The following SH2D4A variants were observed in gnomAD, a reference collection of about 807,000 sequenced individuals.
SH2D4A encodes the protein SH2 domain-containing protein 4A.
A neutral mutation model predicts 64.7 loss-of-function variants in SH2D4A; 70 were observed. The observed-to-expected ratio is 1.08, with a 90% CI of 0.89 to 1.32. The LOEUF (loss-of-function observed/expected upper bound fraction) is 1.32, where lower values mean the gene tolerates loss of function less well. SH2D4A is among the 40% of genes most tolerant of loss of function. SH2D4A has a pLI of 0.00. For missense variants in SH2D4A, 706 were observed against 540.1 expected (o/e 1.31, Z -3.04); for synonymous variants, 268 against 200.7 (o/e 1.34, Z -2.83).
chr8:19,367,370 A>G (rs2053014540), intron 7 of SH2D4A, among the ~76,000 whole-genome samples: 1 of 152,178 alleles, frequency 6.6e-6, no homozygotes, highest in Admixed American at 6.5e-5. Flanking sequence ...CTAGCAGGCT[A>G]TGAGAGTTCT....
chr8:19,323,632 C>T (rs893665720), intron 2 of SH2D4A, among the ~76,000 whole-genome samples: 2 of 152,150 alleles, frequency 1.3e-5, no homozygotes, highest in East Asian at 1.9e-4. Flanking sequence ...CCACCTGCCT[C>T]GGCCTTCCGA....
intron 4 of SH2D4A, among the ~76,000 whole-genome samples, chr8:19,335,760 T>G (rs191147818): frequency 6.6e-6 from 1 of 152,338 alleles, no homozygotes; most frequent in East Asian, 1.9e-4. Context: ...CTCCCCAACA[T>G]AATAGAAATT....
chr8:19,352,097 T>C (rs942794288), intron 4 of SH2D4A, among the ~76,000 whole-genome samples: 1 of 152,196 alleles, frequency 6.6e-6, no homozygotes, highest in Non-Finnish European at 1.5e-5. Flanking sequence ...ACCCTACTTA[T>C]AAACAAAGGG....
rs1478875678 is a variant in SH2D4A, at chr8:19,396,109, A to T, written c.*1467A>T. The stretch of plus-strand genomic sequence containing the variant: ...ACAGGGACTGAGGTGGCTCTGAGCC[A>T]CTGGAGATCATTTTTCTTGGAGGAT... On this transcript the variant is annotated 3_prime_UTR_variant, in exon 10 of 10. Coordinates refer to ENST00000265807, the MANE Select transcript of SH2D4A (RefSeq NM_022071.4). 1 of 152,200 alleles carries T rather than the reference A, an allele frequency of 6.6e-6. No homozygotes were observed. The highest frequency in any genetic ancestry group is 1.9e-4 in the East Asian group (1 of 5,176). 9.4% of individuals were successfully genotyped at this position (152,200 alleles called of 1,614,324 possible).
Position 19,372,651 on chromosome 8 carries a change from A to G in SH2D4A, c.918-879A>G, listed in dbSNP as rs142704956. On this transcript the variant is annotated intron_variant, in intron 7 of 9. Transcript: ENST00000265807. ...TTGTGTTTAAATTGAATTCTGCTCA[A>G]AATTAGTACGCTGTTGAGTAGGACT... Among the ~76,000 whole-genome samples the G allele has an allele frequency of 5.1e-3, 773 of 152,272 alleles. 7 individuals are homozygous for G. The highest frequency in any genetic ancestry group is 0.017 in the African/African-American group (690 of 41,544).
In SH2D4A at chr8:19,339,656, C is replaced by A. The variant is rs1229936191; in HGVS notation, c.513+4799C>A. ...CTGGGACTACAGGCACAGGCCACCA[C>A]CCCCAGCCAATTTTAACAATTTTTT... On this transcript the variant is annotated intron_variant, in intron 4 of 9. Transcript: ENST00000265807. Among the ~76,000 whole-genome samples, 4 of 151,976 alleles carry A rather than the reference C, an allele frequency of 2.6e-5. No individual in the cohort carries two copies. The East Asian group carries it at 5.8e-4, about 22-fold the overall frequency.
intron 3 of SH2D4A, 44 bp downstream of exon 3, chr8:19,333,158 A>C: frequency 6.4e-7 from 1 of 1,560,724 alleles, no homozygotes; most frequent in Non-Finnish European, 8.6e-7. Context: ...GACTCTCCAG[A>C]CTTTAGAAAA....
At chr8:19,377,123 G>A (rs1157066977) in intron 8 of SH2D4A, among the ~76,000 whole-genome samples, 1 of 152,102 alleles carries the variant, frequency 6.6e-6, no homozygotes, top group African/African-American at 2.4e-5. Flanking sequence ...GCTCATACCT[G>A]TAATCCCAGT....
At chr8:19,380,797 G>C (rs1292105116) in intron 8 of SH2D4A, among the ~76,000 whole-genome samples, 6 of 152,160 alleles carry the variant, frequency 3.9e-5, no homozygotes, top group Non-Finnish European at 8.8e-5. Flanking sequence ...GTTTTGAAAT[G>C]AGTATGTGTG....
intron 1 of SH2D4A, among the ~76,000 whole-genome samples, chr8:19,314,953 G>A (rs1246024779): frequency 1.3e-5 from 2 of 152,158 alleles, no homozygotes; most frequent in Non-Finnish European, 2.9e-5. Context: ...AGAGCTGGCT[G>A]TTTTAAAAGA....
intron 4 of SH2D4A, among the ~76,000 whole-genome samples, chr8:19,339,495 C>CTTTTT (rs5889867): frequency 3.2e-4 from 41 of 128,978 alleles, no homozygotes; most frequent in East Asian, 6.8e-4. Context: ...TATAAACTTT[C>CTTTTT]TTTTTTTTTT....
At chr8:19,346,734 G>T (rs1183039791) in intron 4 of SH2D4A, among the ~76,000 whole-genome samples, 1 of 152,150 alleles carries the variant, frequency 6.6e-6, no homozygotes, top group Non-Finnish European at 1.5e-5. Context: ...TACAAAGGAA[G>T]CCGATAAAAT....
intron 4 of SH2D4A, among the ~76,000 whole-genome samples, chr8:19,344,197 C>A (rs1254039638): frequency 6.6e-6 from 1 of 152,148 alleles, no homozygotes; most frequent in Non-Finnish European, 1.5e-5. Context: ...TCTGACATAG[C>A]AGGACTAGGT....
At chr8:19,354,722 G>C (rs1043773423) in intron 4 of SH2D4A, among the ~76,000 whole-genome samples, 3 of 152,176 alleles carry the variant, frequency 2.0e-5, no homozygotes, top group African/African-American at 7.2e-5. Flanking sequence ...GATAACTCAC[G>C]CATTGTGTTC....
chr8:19,351,189 T>C (rs2052698553), intron 4 of SH2D4A, among the ~76,000 whole-genome samples: 1 of 152,226 alleles, frequency 6.6e-6, no homozygotes, highest in Admixed American at 6.5e-5. Context: ...ACTGCCTTTT[T>C]GTTTAAAATT....
intron 1 of SH2D4A, among the ~76,000 whole-genome samples, chr8:19,316,113 G>C (rs372721482): frequency 6.6e-6 from 1 of 152,106 alleles, no homozygotes; most frequent in Non-Finnish European, 1.5e-5. Context: ...GGAATTAGAG[G>C]GTGAGGGGGA....
intron 8 of SH2D4A, among the ~76,000 whole-genome samples, chr8:19,377,590 A>G (rs2053217124): frequency 6.6e-6 from 1 of 152,128 alleles, no homozygotes; most frequent in African/African-American, 2.4e-5. Flanking sequence ...GTTTTCCCCC[A>G]ACATTGTTCC....
At chr8:19,358,077 T>G (rs2052822664) in intron 5 of SH2D4A, among the ~76,000 whole-genome samples, 1 of 152,216 alleles carries the variant, frequency 6.6e-6, no homozygotes, top group Non-Finnish European at 1.5e-5. Context: ...ACTGTAGTCC[T>G]GTGTGCATAC....
intron 6 of SH2D4A, among the ~76,000 whole-genome samples, chr8:19,363,552 T>C (rs749758217): frequency 6.9e-4 from 105 of 152,210 alleles, no homozygotes; most frequent in Non-Finnish European, 1.2e-3. Context: ...TAAGCATCCC[T>C]TTAATTTTTT....
Sources: allele counts gnomAD v4.1 joint callset (sites outside exome capture counted in the v4.1 genomes callset), GRCh38; gene constraint gnomAD v4.1.1; transcripts MANE v1.5; gene names NCBI Gene and HGNC (gene_info 2026-07-23, HGNC 2026-07-21).